The following PTPN14 variants were observed in gnomAD, a reference collection of about 807,000 sequenced individuals.
PTPN14 encodes tyrosine-protein phosphatase non-receptor type 14.
A neutral mutation model predicts 126.8 loss-of-function variants in PTPN14; 53 were observed. That is an observed-to-expected ratio of 0.42 (90% CI 0.34 to 0.53). The LOEUF (loss-of-function observed/expected upper bound fraction) is 0.53. Among genes scored for constraint, PTPN14 ranks in the 20% least tolerant of loss-of-function variants. PTPN14 has a pLI of 0.08. For synonymous variants in PTPN14, 630 were observed against 599.3 expected, an observed-to-expected ratio of 1.05 and a Z score of -0.75; for missense variants, 1,257 against 1,552.9, an observed-to-expected ratio of 0.81 and a Z score of 3.20.
At chr1:214,536,596 G>A (rs1232828030) in intron 1 of PTPN14, among the ~76,000 whole-genome samples, 1 of 151,654 alleles carries the variant, frequency 6.6e-6, no homozygotes. Context: ...ACCAGCTTGC[G>A]TAACCTAGTG....
At position 214,376,194 on chromosome 1, in the gene PTPN14, C is replaced by T. The variant is rs191068075; in HGVS notation, c.2907+25G>A. 8 of 1,598,142 alleles carry T rather than the reference C, an allele frequency of 5.0e-6. No individual in the cohort carries two copies. In the South Asian group the frequency reaches 5.5e-5, roughly 11 times the overall value. ...CTTTAACCCAGCCATCTTTACCAAA[C>T]CTTCTAACAGGCTTGCCTTCTTACC... On this transcript the variant is annotated intron_variant, in intron 15 of 18. Coordinates refer to ENST00000366956, the MANE Select transcript of PTPN14 (RefSeq NM_005401.5).
rs1459351333 is a variant in PTPN14 at position 214,369,662 on chromosome 1, G to C, written c.3066C>G (p.Tyr1022Ter). ...TGTGCTTTGAACCTAGTTTGGGCCAGTATCGGTGGCTTTTGGTTCGTCCAC... is the reference window on the plus strand; with the variant it reads ...TGTGCTTTGAACCTAGTTTGGGCCACTATCGGTGGCTTTTGGTTCGTCCAC... ...EEGGRTKSHRYWPKLGSKHSS... is the reference protein window; with the variant it reads ...EEGGRTKSHR Residue 1022 changes from tyrosine to a stop codon, truncating the protein, a stop_gained, in exon 17 of 19, where the codon TAC becomes TAG. Coordinates refer to ENST00000366956, the MANE Select transcript of PTPN14 (RefSeq NM_005401.5). LOFTEE classifies it high-confidence loss of function. The C allele has an allele frequency of 6.2e-7, 1 of 1,614,184 alleles. No homozygotes were observed.
intron 1 of PTPN14, among the ~76,000 whole-genome samples, chr1:214,543,305 A>G (rs1439777520): frequency 1.3e-5 from 2 of 152,196 alleles, no homozygotes; most frequent in East Asian, 3.9e-4. Context: ...GATCTACAAC[A>G]TTTCCTAGAC....
intron 3 of PTPN14, among the ~76,000 whole-genome samples, chr1:214,427,822 G>A (rs562142652): frequency 2.0e-5 from 3 of 152,312 alleles, no homozygotes; most frequent in Non-Finnish European, 2.9e-5. Flanking sequence ...TGGATATTTG[G>A]GGGATGGAGG....
At chr1:214,400,825 C>T (rs1486210200) in intron 7 of PTPN14, among the ~76,000 whole-genome samples, 2 of 152,130 alleles carry the variant, frequency 1.3e-5, no homozygotes, top group Admixed American at 6.5e-5. Context: ...CTGAAAGCTG[C>T]GGCCACCCTG....
rs935764256 is a variant in PTPN14 at position 214,350,428 on chromosome 1, T to C, written c.*7494A>G. On this transcript the variant is annotated 3_prime_UTR_variant, in exon 19 of 19. Transcript: ENST00000366956. ...ACAGAGCGTCTTTCATTTTTTCTAA[T>C]AGTGACTGATTCTATCGGCAAGGGA... The C allele has an allele frequency of 6.6e-6, 1 of 152,094 alleles. No homozygotes were observed. The highest frequency in any genetic ancestry group is 6.6e-5 in the Admixed American group (1 of 15,248). The allele number at this position is 152,094 out of a possible 1,614,324, so 9.4% of individuals were successfully genotyped here.
Position 214,402,968 on chromosome 1 carries a change from A to C in PTPN14, c.511-15T>G, listed in dbSNP as rs1659070667. On this transcript the variant is annotated splice_polypyrimidine_tract_variant and intron_variant, in intron 5 of 18. Transcript: ENST00000366956. ...AGGGCCAAATCCTATAAGAATAGAA[A>C]GTGCTTAAGGTCACATGAGGGTGTG... The C allele has an allele frequency of 6.2e-7, 1 of 1,613,268 alleles. No individual in the cohort carries two copies. The highest frequency in any genetic ancestry group is 1.7e-5 in the Admixed American group (1 of 59,998).
chr1:214,432,414 T>C (rs1659816642), intron 3 of PTPN14, among the ~76,000 whole-genome samples: 1 of 152,222 alleles, frequency 6.6e-6, no homozygotes, highest in African/African-American at 2.4e-5. Flanking sequence ...AGTAATACAA[T>C]TTTTGGAAAA....
At chr1:214,381,536 A>G (rs1658472107) in intron 13 of PTPN14, among the ~76,000 whole-genome samples, 1 of 152,222 alleles carries the variant, frequency 6.6e-6, no homozygotes, top group South Asian at 2.1e-4. Context: ...ATCTCTTAGC[A>G]CTACTCTAGT....
At chr1:214,447,359 C>G (rs1018643697) in intron 3 of PTPN14, among the ~76,000 whole-genome samples, 22 of 152,050 alleles carry the variant, frequency 1.4e-4, no homozygotes, top group Middle Eastern at 3.2e-3. Context: ...TTGAGCACAT[C>G]TGTCCATCTC....
chr1:214,500,675 T>G (rs1280076372), intron 1 of PTPN14, among the ~76,000 whole-genome samples: 1 of 152,096 alleles, frequency 6.6e-6, no homozygotes, highest in Non-Finnish European at 1.5e-5. Flanking sequence ...TTAACCGATA[T>G]AAGGCACCTT....
rs7537805 is a variant in PTPN14, at chr1:214,467,360, A to G, written c.-154-2403T>C. On this transcript the variant is annotated intron_variant, in intron 1 of 18. Coordinates refer to ENST00000366956, the MANE Select transcript of PTPN14 (RefSeq NM_005401.5). ...AATATTTGCTCTGTGGGCACAAGCC[A>G]CATTTCTAACCCTGAGCCAGGCACT... Among the ~76,000 whole-genome samples the G allele has an allele frequency of 8.8e-3, 1,344 of 152,314 alleles. 17 individuals are homozygous for G. Among genetic ancestry groups the G allele is most frequent in the African/African-American group, 0.029 (1,206 of 41,552 alleles).
At chr1:214,363,274 T>C (rs79215460) in intron 18 of PTPN14, among the ~76,000 whole-genome samples, 1 of 152,242 alleles carries the variant, frequency 6.6e-6, no homozygotes, top group African/African-American at 2.4e-5. Context: ...ATGGACAGAC[T>C]GGAAGATTCT....
intron 1 of PTPN14, among the ~76,000 whole-genome samples, chr1:214,502,220 G>A (rs1224087236): frequency 1.3e-5 from 2 of 152,046 alleles, no homozygotes; most frequent in Non-Finnish European, 2.9e-5. Flanking sequence ...CTTCTAAGGG[G>A]GGAAGAGGGC....
chr1:214,524,129 C>T (rs1046052583), intron 1 of PTPN14, among the ~76,000 whole-genome samples: 1 of 151,944 alleles, frequency 6.6e-6, no homozygotes, highest in African/African-American at 2.4e-5. Flanking sequence ...GGATTACAGG[C>T]ATGAGCCACC....
At chr1:214,452,059 C>T (rs1053633483) in intron 2 of PTPN14, 85 bp from the exon 3 acceptor site, 2 of 1,450,472 alleles carry the variant, frequency 1.4e-6, no homozygotes, top group Middle Eastern at 2.1e-4. Flanking sequence ...CAGCATGCTG[C>T]ATCCCACCCT....
chr1:214,445,133 T>C (rs1172182817), intron 3 of PTPN14, among the ~76,000 whole-genome samples: 4 of 152,188 alleles, frequency 2.6e-5, no homozygotes, highest in Non-Finnish European at 1.5e-5. Flanking sequence ...CCTGGCTGAC[T>C]AGAATACCCA....
chr1:214,507,969 G>T (rs565638167), intron 1 of PTPN14, among the ~76,000 whole-genome samples: 2 of 151,946 alleles, frequency 1.3e-5, no homozygotes, highest in East Asian at 1.9e-4. Flanking sequence ...ACCAGCCTGC[G>T]CAACATAATG....
intron 3 of PTPN14, among the ~76,000 whole-genome samples, chr1:214,418,515 G>A (rs565249449): frequency 6.6e-6 from 1 of 152,318 alleles, no homozygotes; most frequent in East Asian, 1.9e-4. Flanking sequence ...ACAACCACAG[G>A]GATGAAGGCA....
Sources: allele counts gnomAD v4.1 joint callset (sites outside exome capture counted in the v4.1 genomes callset), GRCh38; gene constraint gnomAD v4.1.1; transcripts MANE v1.5; gene names NCBI Gene and HGNC (gene_info 2026-07-23, HGNC 2026-07-21).